The following NRG3 variants were observed in gnomAD, a reference collection of about 807,000 sequenced individuals.
NRG3 encodes the protein pro-neuregulin-3, membrane-bound isoform.
NRG3 carries 31 observed loss-of-function variants against 66.9 expected under a neutral mutation model. That is an observed-to-expected ratio of 0.46 (90% confidence interval 0.35 to 0.63). The LOEUF is 0.63. Among genes scored for constraint, NRG3 ranks in the 20% least tolerant of loss-of-function variants. NRG3 has a pLI of 0.00. For synonymous variants in NRG3, 393 were observed against 359.4 expected (o/e 1.09, Z -1.06); for missense variants, 910 against 878.9 (o/e 1.04, Z -0.45).
chr10:82,079,629 C>T (rs2065281050), intron 1 of NRG3, among the ~76,000 whole-genome samples: 2 of 152,154 alleles, frequency 1.3e-5, no homozygotes, highest in Non-Finnish European at 2.9e-5. Flanking sequence ...CTATTCATCC[C>T]TCTCCACCCC....
rs565843574 is a variant in NRG3, at chr10:82,170,192, C to G, written c.824-188547C>G. Among the ~76,000 whole-genome samples the G allele has an allele frequency of 3.3e-5, 5 of 152,112 alleles. No homozygotes were observed. In the East Asian group the frequency reaches 7.7e-4, roughly 24 times the overall value. ...ACAGAATAGACCATTCTAATGGAGT[C>G]CCATCTGTTCCTGGCCTATGGGTTT... On this transcript the variant is annotated intron_variant, in intron 1 of 8. Coordinates refer to ENST00000372141, the MANE Select transcript of NRG3 (RefSeq NM_001010848.4).
intron 4 of NRG3, among the ~76,000 whole-genome samples, chr10:82,920,719 T>TA (rs909917125): frequency 4.3e-4 from 65 of 152,136 alleles, no homozygotes; most frequent in Middle Eastern, 3.4e-3. Context: ...TAAAAAATGC[T>TA]AAAAAAATGA....
intron 2 of NRG3, among the ~76,000 whole-genome samples, chr10:82,562,074 G>A (rs999941320): frequency 1.3e-5 from 2 of 152,178 alleles, no homozygotes; most frequent in Non-Finnish European, 2.9e-5. Context: ...CTTTAAGCCT[G>A]AGGTTCCATA....
intron 1 of NRG3, among the ~76,000 whole-genome samples, chr10:82,130,574 G>A (rs1238471594): frequency 6.6e-6 from 1 of 152,108 alleles, no homozygotes; most frequent in East Asian, 1.9e-4. Flanking sequence ...GGGATTGGTG[G>A]ATTATATGGT....
chr10:82,003,680 A>G (rs1452583200), intron 1 of NRG3, among the ~76,000 whole-genome samples: 1 of 152,126 alleles, frequency 6.6e-6, no homozygotes, highest in Non-Finnish European at 1.5e-5. Flanking sequence ...CTGGTAACCA[A>G]AATGCCAGAG....
intron 3 of NRG3, among the ~76,000 whole-genome samples, chr10:82,754,196 T>A (rs1412180704): frequency 2.0e-5 from 3 of 151,910 alleles, no homozygotes; most frequent in African/African-American, 7.2e-5. Context: ...AATGAAAAGA[T>A]ACATAATGAA....
intron 1 of NRG3, among the ~76,000 whole-genome samples, chr10:82,072,127 C>T (rs948418386): frequency 2.6e-5 from 4 of 152,006 alleles, no homozygotes; most frequent in African/African-American, 9.7e-5. Flanking sequence ...CTTTTGTCTC[C>T]CTTTCTTACC....
intron 2 of NRG3, among the ~76,000 whole-genome samples, chr10:82,648,507 A>G (rs1490038390): frequency 6.6e-6 from 1 of 152,136 alleles, no homozygotes; most frequent in Non-Finnish European, 1.5e-5. Context: ...TTGGTTCTGT[A>G]TGAACTTTAA....
chr10:81,992,704 T>C lies in NRG3; in HGVS notation c.823+116541T>C, dbSNP rs138556048. On this transcript the variant is annotated intron_variant, in intron 1 of 8. Coordinates refer to ENST00000372141, the MANE Select transcript of NRG3 (RefSeq NM_001010848.4). Reference sequence around the variant, plus strand: ...TCTCCTGTCACCTCCTCTTTTTCTGTCTTCCCATTTAGCTTAGGGGTCTCC... The same window carrying C: ...TCTCCTGTCACCTCCTCTTTTTCTGCCTTCCCATTTAGCTTAGGGGTCTCC... Among the ~76,000 whole-genome samples the C allele has an allele frequency of 5.9e-5, 9 of 152,278 alleles. No homozygotes were observed. In the East Asian group the frequency reaches 1.5e-3, roughly 26 times the overall value.
chr10:82,661,359 T>C (rs2052345910), intron 2 of NRG3, among the ~76,000 whole-genome samples: 2 of 152,006 alleles, frequency 1.3e-5, no homozygotes, highest in African/African-American at 4.8e-5. Context: ...CATATAAATA[T>C]ATAAACAGCA....
At chr10:82,211,841 G>T (rs1203620806) in intron 1 of NRG3, among the ~76,000 whole-genome samples, 1 of 152,078 alleles carries the variant, frequency 6.6e-6, no homozygotes. Context: ...GGTGCACAGG[G>T]CATATTTTAG....
Position 81,875,781 on chromosome 10 carries a change from C to T in NRG3, c.441C>T (p.Ser147=), listed in dbSNP as rs377125206. 2 of 1,611,354 alleles carry T rather than the reference C, an allele frequency of 1.2e-6. No individual in the cohort carries two copies. Among genetic ancestry groups the T allele is most frequent in the African/African-American group, 2.7e-5 (2 of 74,938 alleles). The part of the protein sequence containing the change: ...PATPSAGGAA[S]SRTPNRISTR... ...CCCCCTCCGCCGGGGGTGCCGCCTC[C>T]TCCAGGACGCCCAACCGGATTAGCA... The change falls in exon 1 of 9, where the codon TCC becomes TCT. Residue 147 remains serine, a synonymous_variant. Coordinates refer to ENST00000372141, the MANE Select transcript of NRG3 (RefSeq NM_001010848.4). The surrounding 1 kb of genome is among the most constrained non-coding windows in gnomAD (Gnocchi z 5.3).
At chr10:81,972,165 G>A (rs1307477037) in intron 1 of NRG3, among the ~76,000 whole-genome samples, 3 of 151,828 alleles carry the variant, frequency 2.0e-5, no homozygotes, top group Admixed American at 1.3e-4. Context: ...AAGTTGTAAA[G>A]CAAAAAATAA....
At chr10:82,408,636 TA>T (rs35783064) in intron 2 of NRG3, among the ~76,000 whole-genome samples, 19,619 of 93,890 alleles carry the variant, frequency 0.21, 1,537 homozygotes, top group East Asian at 0.41. Context: ...ATATATATTA[TA>T]TATATATATA....
chr10:81,960,305 C>A (rs900773840), intron 1 of NRG3, among the ~76,000 whole-genome samples: 58 of 152,240 alleles, frequency 3.8e-4, no homozygotes, highest in African/African-American at 1.3e-3. Context: ...TTCAAATTCT[C>A]ATGGCTATTT....
At chr10:82,950,473 G>C (rs114247683) in intron 4 of NRG3, among the ~76,000 whole-genome samples, 1 of 152,104 alleles carries the variant, frequency 6.6e-6, no homozygotes, top group African/African-American at 2.4e-5. Flanking sequence ...TTCTTTATTG[G>C]TGTCCATTTG....
chr10:82,408,070 A>AGAGAGG lies in NRG3; in HGVS notation c.953+49207_953+49208insGGAGAG, dbSNP rs1197341318. Among the ~76,000 whole-genome samples the AGAGAGG allele has an allele frequency of 5.2e-5, 7 of 134,992 alleles. No homozygotes were observed. The East Asian group carries it at 1.6e-3, about 30-fold the overall frequency. The allele number at this position is 134,992 out of a possible 152,430, so 88.6% of individuals were successfully genotyped here. A position where few individuals can be genotyped will look rare whatever the true frequency, so the allele number is the denominator to read the frequency against. On this transcript the variant is annotated intron_variant, in intron 2 of 8. Coordinates refer to ENST00000372141, the MANE Select transcript of NRG3 (RefSeq NM_001010848.4). Reference sequence around the variant, plus strand: ...TCGAGAGAGAGAGAGAGAGAGAGAGAGAGAGAGAGAGAGACAGAAAGAAAG... The same window carrying AGAGAGG: ...TCGAGAGAGAGAGAGAGAGAGAGAGAGAGAGGGAGAGAGAGAGAGACAGAAAGAAAG...
Position 82,508,751 on chromosome 10 carries a change from C to T in NRG3, c.953+149883C>T, listed in dbSNP as rs189666879. On this transcript the variant is annotated intron_variant, in intron 2 of 8. Transcript: ENST00000372141. ...TGTTGAACCAAGTGGGATGCTGGAA[C>T]GATAAGCATAAACTGGAACTCTTCC... 1.7e-3 allele frequency among the ~76,000 whole-genome samples: 263 copies of T among 152,238 alleles called. 1 individual carries two copies. The highest frequency in any genetic ancestry group is 6.8e-3 in the South Asian group (33 of 4,824).
At chr10:81,883,056 T>C (rs1325531274) in intron 1 of NRG3, among the ~76,000 whole-genome samples, 1 of 152,134 alleles carries the variant, frequency 6.6e-6, no homozygotes, top group Non-Finnish European at 1.5e-5. Context: ...ATGTCCTAGG[T>C]GCCCTTTTGT....
Sources: allele counts gnomAD v4.1 joint callset (sites outside exome capture counted in the v4.1 genomes callset), GRCh38; gene constraint gnomAD v4.1.1; non-coding constraint Gnocchi (gnomAD v3.1); transcripts MANE v1.5; gene names NCBI Gene and HGNC (gene_info 2026-07-23, HGNC 2026-07-21).